Variants in CAMSAP1 observed in about 807,000 individuals in gnomAD.
CAMSAP1 encodes the protein calmodulin regulated spectrin associated protein 1.
CAMSAP1 carries 58 observed loss-of-function variants against 143.5 expected under a neutral mutation model. The observed-to-expected ratio is 0.40, with a 90% CI of 0.33 to 0.50. The LOEUF is 0.50. Ranked by LOEUF, CAMSAP1 falls within the 20% of genes least tolerant of loss-of-function variation. The pLI, the probability that CAMSAP1 is intolerant of heterozygous loss-of-function variation, is 0.45. For synonymous variants in CAMSAP1, 945 were observed against 859.3 expected (o/e 1.10, Z -1.74); for missense variants, 1,969 against 2,115.7 (o/e 0.93, Z 1.36).
intron 5 of CAMSAP1, among the ~76,000 whole-genome samples, chr9:135,855,233 C>G (rs1272077668): frequency 1.3e-5 from 2 of 151,974 alleles, no homozygotes; most frequent in Non-Finnish European, 2.9e-5. Flanking sequence ...CTCTGGTGAT[C>G]CACCCACCTT....
chr9:135,850,561 A>C (rs1836739411), intron 5 of CAMSAP1, 100 bp from the exon 6 acceptor site: 1 of 895,672 alleles, frequency 1.1e-6, no homozygotes, highest in South Asian at 1.9e-5. Context: ...TAAAGGTAGT[A>C]ATGAAGATAA....
chr9:135,824,005 G>A lies in CAMSAP1; in HGVS notation c.1345C>T (p.Arg449Ter), dbSNP rs1364564763. ...GCTCCTCGAGGCTGACCATCAACTC[G>A]GGTCAAAGAATTCGATCGATGTCGC... The part of the protein sequence containing the change: ...DQRHRSNSLT[R>*]VDGQPRGAAI... The change falls in exon 10 of 17, where the codon CGA becomes TGA. Residue 449 changes from arginine (R) to a stop codon, truncating the protein, a stop_gained. Transcript: ENST00000389532. LOFTEE classifies it high-confidence loss of function. This position sits in a 1 kb window ranked among gnomAD's most constrained non-coding sequence, Gnocchi z 4.1. 3.1e-6 allele frequency: 5 copies of A among 1,588,014 alleles called. No homozygotes were observed. Among genetic ancestry groups the A allele is most frequent in the African/African-American group, 1.3e-5 (1 of 74,366 alleles).
chr9:135,872,449 A>C (rs1837599007), intron 3 of CAMSAP1, among the ~76,000 whole-genome samples: 1 of 152,196 alleles, frequency 6.6e-6, no homozygotes, highest in African/African-American at 2.4e-5. Context: ...AAAAATCCAA[A>C]ATAACCCTTA....
Position 135,828,738 on chromosome 9 carries a change from C to A in CAMSAP1, c.1046-1154G>T, listed in dbSNP as rs369673940. Among the ~76,000 whole-genome samples, 71 of 152,362 alleles carry A rather than the reference C, an allele frequency of 4.7e-4. No homozygotes were observed. The South Asian group carries it at 5.2e-3, about 11-fold the overall frequency. On this transcript the variant is annotated intron_variant, in intron 7 of 16. Transcript: ENST00000389532. Reference sequence around the variant, plus strand: ...GATACAGATCTCTCTCTCAAGATGACATGTGCTCCCCCAGGCACATTATAA... The same window carrying A: ...GATACAGATCTCTCTCTCAAGATGAAATGTGCTCCCCCAGGCACATTATAA...
intron 3 of CAMSAP1, among the ~76,000 whole-genome samples, chr9:135,867,120 TA>T (rs572408703): frequency 6.6e-6 from 1 of 152,052 alleles, no homozygotes; most frequent in Non-Finnish European, 1.5e-5. Context: ...CAGCAGTGCT[TA>T]AAGGGGCTAG....
chr9:135,822,241 A>C lies in CAMSAP1; in HGVS notation c.2420T>G (p.Met807Arg). ...GGTCATCTTCACGCTCCCACTCGCC[A>C]TGGAGACACTGCTCATCTGAGAGGC... ...STASQMSSVS[M>R]ASGSVKMTSF... Residue 807 changes from methionine to arginine, a missense_variant, in exon 11 of 17, where the codon ATG (methionine) becomes AGG (arginine). Transcript: ENST00000389532. This position sits in a 1 kb window ranked among gnomAD's most constrained non-coding sequence, Gnocchi z 6.1. 6.2e-7 allele frequency: 1 copy of C among 1,613,978 alleles called. No individual in the cohort carries two copies. Among genetic ancestry groups the C allele is most frequent in the Non-Finnish European group, 8.5e-7 (1 of 1,179,888 alleles).
At position 135,818,460 on chromosome 9, in the gene CAMSAP1, C is replaced by G. The variant is rs1162762295; in HGVS notation, c.4116G>C (p.Ser1372=). The G allele has an allele frequency of 6.2e-7, 1 of 1,602,974 alleles. No homozygotes were observed. The highest frequency in any genetic ancestry group is 1.1e-5 in the South Asian group (1 of 89,908). ...CGCTGCACGACTCTTCCCGGTGCAC[C>G]GACTTCGGCCGCGGCTTCTTCGGCT... ...KSKPKKPRPK[S]VHREESCSDS... Residue 1372 remains serine, a synonymous_variant, in exon 13 of 17, where the codon TCG becomes TCC. Transcript: ENST00000389532. This position sits in a 1 kb window ranked among gnomAD's most constrained non-coding sequence, Gnocchi z 7.7.
chr9:135,819,261 A>C, intron 11 of CAMSAP1, 115 bp from the exon 12 acceptor site: 35 of 1,317,072 alleles, frequency 2.7e-5, no homozygotes, highest in Non-Finnish European at 3.5e-5. Flanking sequence ...ACGCATAAAG[A>C]CTTCTATGCT....
chr9:135,881,942 GCCTCC>G, intron 2 of CAMSAP1, 148 bp from the exon 3 acceptor site: 1 of 952,562 alleles, frequency 1.0e-6, no homozygotes, highest in Non-Finnish European at 1.6e-6. Context: ...TTTGAGACCT[GCCTCC>G]CCCGCACCAT....
At chr9:135,853,998 A>G (rs1836867114) in intron 5 of CAMSAP1, among the ~76,000 whole-genome samples, 1 of 152,278 alleles carries the variant, frequency 6.6e-6, no homozygotes, top group Admixed American at 6.5e-5. Flanking sequence ...TTTTCAATCC[A>G]TACTAACATG....
In CAMSAP1 at chr9:135,822,283, C is replaced by A. The variant is rs766382047; in HGVS notation, c.2378G>T (p.Ser793Ile). The A allele has an allele frequency of 6.2e-7, 1 of 1,614,014 alleles. No individual in the cohort carries two copies. Among genetic ancestry groups the A allele is most frequent in the Non-Finnish European group, 8.5e-7 (1 of 1,179,898 alleles). The change falls in exon 11 of 17, where the codon AGC (serine) becomes ATC (isoleucine). Residue 793 changes from serine to isoleucine, a missense_variant. Physicochemically the swap from Ser to Ile is moderately radical, Grantham distance 142 (BLOSUM62 -2). Around this residue, in one of 4 missense-constraint regions of CAMSAP1, gnomAD observed 1,390 missense variants for 1,420.8 expected, o/e 0.98. Transcript: ENST00000389532. This position sits in a 1 kb window ranked among gnomAD's most constrained non-coding sequence, Gnocchi z 6.1. ...CTGAGAGGCTGTGCTCAGGCAGGGG[C>A]TCGAGCGGCCGCTGGCGTCATCTTT... ...EDKDDASGRSSPCLSTASQMS... is the reference protein window; with the variant it reads ...EDKDDASGRSIPCLSTASQMS...
chr9:135,862,737 A>G (rs1420003161), intron 4 of CAMSAP1, 129 bp from the exon 5 acceptor site: 1 of 923,252 alleles, frequency 1.1e-6, no homozygotes, highest in Admixed American at 2.4e-5. Flanking sequence ...AATTGCAATA[A>G]TCTAGAAAGA....
chr9:135,887,879 G>A (rs1051315196), intron 1 of CAMSAP1, among the ~76,000 whole-genome samples: 6 of 152,222 alleles, frequency 3.9e-5, no homozygotes, highest in East Asian at 1.9e-4. Flanking sequence ...GGACTGCTAC[G>A]TCAGTACCCA....
At chr9:135,881,141 G>A (rs1564455868) in intron 3 of CAMSAP1, among the ~76,000 whole-genome samples, 2 of 151,894 alleles carry the variant, frequency 1.3e-5, no homozygotes, top group South Asian at 2.1e-4. Context: ...CCAGGAGTTC[G>A]AGACCAGCCT....
intron 4 of CAMSAP1, among the ~76,000 whole-genome samples, chr9:135,863,317 G>A (rs553804328): frequency 3.3e-5 from 5 of 152,138 alleles, no homozygotes; most frequent in Non-Finnish European, 5.9e-5. Flanking sequence ...GCATGTCAGC[G>A]AACAAGAGCA....
chr9:135,816,766 A>G (rs768999477), intron 14 of CAMSAP1, among the ~76,000 whole-genome samples: 6 of 152,164 alleles, frequency 3.9e-5, no homozygotes. Flanking sequence ...GCATATAAAA[A>G]TAAAGGGACA....
chr9:135,906,552 G>A (rs181108241), intron 1 of CAMSAP1, among the ~76,000 whole-genome samples: 2 of 152,350 alleles, frequency 1.3e-5, no homozygotes, highest in East Asian at 1.9e-4. Context: ...TTCAACAGCT[G>A]ACAGCTTGTA....
intron 1 of CAMSAP1, among the ~76,000 whole-genome samples, chr9:135,899,763 C>T (rs954947567): frequency 2.6e-5 from 4 of 152,142 alleles, no homozygotes; most frequent in Admixed American, 2.0e-4. Flanking sequence ...TCTCTTAATT[C>T]GTTCCCTTAC....
chr9:135,869,583 G>T (rs1031248025), intron 3 of CAMSAP1, among the ~76,000 whole-genome samples: 3 of 151,536 alleles, frequency 2.0e-5, no homozygotes, highest in Non-Finnish European at 4.4e-5. Flanking sequence ...GATGCAGCCA[G>T]TGGGAATGCA....
Sources: allele counts gnomAD v4.1 joint callset (sites outside exome capture counted in the v4.1 genomes callset), GRCh38; gene constraint gnomAD v4.1.1; regional missense constraint gnomAD v4.1.1; non-coding constraint Gnocchi (gnomAD v3.1); transcripts MANE v1.5; gene names NCBI Gene and HGNC (gene_info 2026-07-23, HGNC 2026-07-21).